Variants in RETREG2 observed in about 807,000 individuals in gnomAD.
RETREG2 encodes reticulophagy regulator 2.
Under a neutral mutation model 51.6 loss-of-function variants are expected in RETREG2, and 21 were observed. The ratio of observed to expected loss-of-function variants is 0.41; its 90% CI spans 0.29 to 0.59. The LOEUF (loss-of-function observed/expected upper bound fraction) is 0.59. RETREG2 is among the 20% of genes least tolerant of loss of function. The pLI is 0.34. For synonymous variants in RETREG2, 339 were observed against 288.6 expected (o/e 1.17, Z -1.77); for missense variants, 674 against 646.0 (o/e 1.04, Z -0.47).
At position 219,178,953 on chromosome 2, in the gene RETREG2, T is replaced by C; in HGVS notation, c.313T>C (p.Phe105Leu). 6.2e-7 allele frequency: 1 copy of C among 1,614,044 alleles called. No homozygotes were observed. The highest frequency in any genetic ancestry group is 1.1e-5 in the South Asian group (1 of 91,078). ...GTCTTCCTCGTCCCTCCGGCCCTTC[T>C]TCCTACTCAGCGTCTCACTTTTGGC... ...LLSSSSLRPF[F>L]LLSVSLLAYF... Residue 105 changes from phenylalanine to leucine, a missense_variant, in exon 2 of 9, where the codon TTC (phenylalanine) becomes CTC (leucine). Transcript: ENST00000430297.
rs1950318492 is a variant in RETREG2, at chr2:219,184,076, T to G, written c.*1447T>G. The G allele has an allele frequency of 6.6e-6, 1 of 152,220 alleles. No individual in the cohort carries two copies. Among genetic ancestry groups the G allele is most frequent in the South Asian group, 2.1e-4 (1 of 4,830 alleles). 9.4% of individuals were successfully genotyped at this position (152,220 alleles called of 1,614,324 possible). ...CTTCATTTTATAGACAGGTTAAGCT[T>G]CCTGAAGGCCACAGGTCCCAGTAAA... On this transcript the variant is annotated 3_prime_UTR_variant, in exon 9 of 9. Coordinates refer to ENST00000430297, the MANE Select transcript of RETREG2 (RefSeq NM_024293.6).
rs1480059836 is a variant in RETREG2, at chr2:219,183,687, G to A, written c.*1058G>A. ...TCCTTGACAGTGTGATCTGTTTAGTGAGATTTAGCATGTGTGAATAAAGTA... is the reference window on the plus strand; with the variant it reads ...TCCTTGACAGTGTGATCTGTTTAGTAAGATTTAGCATGTGTGAATAAAGTA... On this transcript the variant is annotated 3_prime_UTR_variant, in exon 9 of 9. Transcript: ENST00000430297. The A allele has an allele frequency of 6.6e-6, 1 of 152,250 alleles. No individual in the cohort carries two copies. The highest frequency in any genetic ancestry group is 1.5e-5 in the Non-Finnish European group (1 of 68,044). The allele number at this position is 152,250 out of a possible 1,614,324, so 9.4% of individuals were successfully genotyped here.
At position 219,184,423 on chromosome 2, in the gene RETREG2, T is replaced by C. The variant is rs1241355884; in HGVS notation, c.*1794T>C. On this transcript the variant is annotated 3_prime_UTR_variant, in exon 9 of 9. Coordinates refer to ENST00000430297, the MANE Select transcript of RETREG2 (RefSeq NM_024293.6). The stretch of plus-strand genomic sequence containing the variant: ...GCCTGGCTGTCTGCTGGAGGTACCA[T>C]ATGGTAATGCTGCCTGTCTTTCTGA... 1 of 152,134 alleles carries C rather than the reference T, an allele frequency of 6.6e-6. No individual in the cohort carries two copies. The highest frequency in any genetic ancestry group is 1.5e-5 in the Non-Finnish European group (1 of 68,026). The allele number at this position is 152,134 out of a possible 1,614,324, so 9.4% of individuals were successfully genotyped here.
At chr2:219,180,345 C>T (rs143129742) in intron 4 of RETREG2, 100 bp downstream of exon 4, 61 of 1,504,310 alleles carry the variant, frequency 4.1e-5, no homozygotes, top group Non-Finnish European at 5.3e-5. Context: ...CTTGGAGACC[C>T]TGAAAGAAGA....
chr2:219,182,665 G>A lies in RETREG2; in HGVS notation c.*36G>A, dbSNP rs1950300228. The stretch of plus-strand genomic sequence containing the variant: ...GAGGAAGGAGCTGCAGGCACAGTAG[G>A]GCTTCCTGGCTAGGAGTGTTGCTGT... On this transcript the variant is annotated 3_prime_UTR_variant, in exon 9 of 9. Coordinates refer to ENST00000430297, the MANE Select transcript of RETREG2 (RefSeq NM_024293.6). 1.2e-6 allele frequency: 2 copies of A among 1,605,246 alleles called. No homozygotes were observed. The highest frequency in any genetic ancestry group is 1.7e-6 in the Non-Finnish European group (2 of 1,174,886).
At chr2:219,180,615 C>G in intron 4 of RETREG2, 55 bp from the exon 5 acceptor site, 1 of 1,613,008 alleles carries the variant, frequency 6.2e-7, no homozygotes, top group Non-Finnish European at 8.5e-7. Flanking sequence ...CTTACCCAGC[C>G]GAGCGGGGCG....
chr2:219,180,310 G>C, intron 4 of RETREG2, 65 bp downstream of exon 4: 1 of 1,599,628 alleles, frequency 6.3e-7, no homozygotes, highest in Non-Finnish European at 8.6e-7. Context: ...GCGGGGGATG[G>C]GAGTGGAGTG....
rs1950322420 is a variant in RETREG2, at chr2:219,184,405, TG to T, written c.*1777del. ...GTACCATATGGTAATGCTGCCTGGC[TG>T]TCTGCTGGAGGTACCATATGGTAAT... On this transcript the variant is annotated 3_prime_UTR_variant, in exon 9 of 9. Transcript: ENST00000430297. 45 of 152,156 alleles carry T rather than the reference TG, an allele frequency of 3.0e-4. 1 individual carries two copies. The highest frequency in any genetic ancestry group is 2.9e-3 in the Admixed American group (45 of 15,264). 9.4% of individuals were successfully genotyped at this position (152,156 alleles called of 1,614,324 possible).
At chr2:219,179,619 G>A in intron 2 of RETREG2, 114 bp from the exon 3 acceptor site, 1 of 927,478 alleles carries the variant, frequency 1.1e-6, no homozygotes, top group South Asian at 1.3e-5. Flanking sequence ...CTCCCCCATT[G>A]GCATCTGAAG....
rs1188559522 is a variant in RETREG2, at chr2:219,182,652, G to A, written c.*23G>A. The A allele has an allele frequency of 1.2e-6, 2 of 1,610,570 alleles. No individual in the cohort carries two copies. The highest frequency in any genetic ancestry group is 1.7e-6 in the Non-Finnish European group (2 of 1,177,772). On this transcript the variant is annotated 3_prime_UTR_variant, in exon 9 of 9. Coordinates refer to ENST00000430297, the MANE Select transcript of RETREG2 (RefSeq NM_024293.6). ...TGAGCCAGCCGTTGAGGAAGGAGCT[G>A]CAGGCACAGTAGGGCTTCCTGGCTA...
At chr2:219,179,057 C>T in intron 2 of RETREG2, 29 bp downstream of exon 2, 1 of 1,523,390 alleles carries the variant, frequency 6.6e-7, no homozygotes, top group East Asian at 2.3e-5. Flanking sequence ...AGTAAGCACC[C>T]ATTGGGTACT....
chr2:219,178,854 C>A, intron 1 of RETREG2, 68 bp from the exon 2 acceptor site: 1 of 1,264,494 alleles, frequency 7.9e-7, no homozygotes, highest in Non-Finnish European at 1.1e-6. Context: ...GGCGCCTTTC[C>A]ACCTTCTGAG....
chr2:219,179,131 G>A (rs1366084012), intron 2 of RETREG2, 103 bp downstream of exon 2: 1 of 854,114 alleles, frequency 1.2e-6, no homozygotes, highest in Admixed American at 1.7e-5. Flanking sequence ...CAGGCCACCT[G>A]CCTCCCAGGC....
Position 219,179,693 on chromosome 2 carries a change from C to T in RETREG2, c.389-40C>T, listed in dbSNP as rs1392245390. 3.9e-5 allele frequency: 63 copies of T among 1,606,284 alleles called. No individual in the cohort carries two copies. In the Admixed American group the frequency reaches 1.0e-3, roughly 26 times the overall value. On this transcript the variant is annotated intron_variant, in intron 2 of 8. Transcript: ENST00000430297. ...TGCCTTGGGGAGTGTCTCCCAGGGC[C>T]CCTACCACTCAATAATTTGCCCCCC...
In RETREG2 at chr2:219,179,775, C is replaced by T. The variant is rs1235745812; in HGVS notation, c.419+12C>T. On this transcript the variant is annotated intron_variant, in intron 3 of 8. Coordinates refer to ENST00000430297, the MANE Select transcript of RETREG2 (RefSeq NM_024293.6). ...CCACACTCTGACAGGTGAGTACAGG[C>T]CACCTCTTGAAGACAAATGCCCACA... 4.3e-6 allele frequency: 7 copies of T among 1,613,324 alleles called. No homozygotes were observed. The South Asian group carries it at 4.4e-5, about 10-fold the overall frequency.
chr2:219,179,840 G>A, intron 3 of RETREG2, 77 bp downstream of exon 3: 1 of 1,465,834 alleles, frequency 6.8e-7, no homozygotes, highest in Non-Finnish European at 9.6e-7. Flanking sequence ...CCATGGAGCA[G>A]GGCAGTGCCC....
chr2:219,179,244 G>C (rs1950239546), intron 2 of RETREG2, among the ~76,000 whole-genome samples: 1 of 152,196 alleles, frequency 6.6e-6, no homozygotes, highest in Admixed American at 6.5e-5. Flanking sequence ...GAAGTCTGCA[G>C]CCATATTACC....
At chr2:219,180,308 TG>T in intron 4 of RETREG2, 63 bp downstream of exon 4, 1 of 1,604,082 alleles carries the variant, frequency 6.2e-7, no homozygotes, top group Non-Finnish European at 8.5e-7. Context: ...TGGCGGGGGA[TG>T]GGAGTGGAGT....
At chr2:219,180,037 C>T in intron 3 of RETREG2, 73 bp from the exon 4 acceptor site, 1 of 1,565,510 alleles carries the variant, frequency 6.4e-7, no homozygotes, top group Non-Finnish European at 8.8e-7. Flanking sequence ...ATATCTTTGG[C>T]ATTCTCAGAG....
Sources: allele counts gnomAD v4.1 joint callset (sites outside exome capture counted in the v4.1 genomes callset), GRCh38; gene constraint gnomAD v4.1.1; transcripts MANE v1.5; gene names NCBI Gene and HGNC (gene_info 2026-07-23, HGNC 2026-07-21).